The following KYAT1 variants were observed in gnomAD, a reference collection of about 807,000 sequenced individuals.
The protein encoded by KYAT1 is kynurenine aminotransferase 1.
A neutral mutation model predicts 52.4 loss-of-function variants in KYAT1; 47 were observed. That is an observed-to-expected ratio of 0.90 (90% CI 0.71 to 1.14). The LOEUF is 1.14. KYAT1 is among the 50% of genes most tolerant of loss of function. KYAT1 has a pLI of 0.00. For missense variants in KYAT1, 480 were observed against 557.9 expected (o/e 0.86, Z 1.41); for synonymous variants, 212 against 209.6 (o/e 1.01, Z -0.10).
chr9:128,846,068 C>T (rs1294200783), intron 1 of KYAT1, among the ~76,000 whole-genome samples: 2 of 152,208 alleles, frequency 1.3e-5, no homozygotes, highest in Non-Finnish European at 2.9e-5. Context: ...GGTCCTGGCT[C>T]CTGGCTCGCC....
At chr9:128,851,092 G>T (rs1483601335) in intron 1 of KYAT1, among the ~76,000 whole-genome samples, 1 of 152,174 alleles carries the variant, frequency 6.6e-6, no homozygotes. Flanking sequence ...ACCGGTACTG[G>T]TGCAGGTCCT....
At chr9:128,849,421 C>T (rs1309989270) in intron 1 of KYAT1, among the ~76,000 whole-genome samples, 1 of 80,988 alleles carries the variant, frequency 1.2e-5, no homozygotes, top group South Asian at 4.5e-4. Context: ...AAAAAAAAAG[C>T]GGGGGTGGGG....
chr9:128,842,806 G>A lies in KYAT1; in HGVS notation c.54-5C>T. 6.2e-7 allele frequency: 1 copy of A among 1,612,218 alleles called. No homozygotes were observed. Among genetic ancestry groups the A allele is most frequent in the Non-Finnish European group, 8.5e-7 (1 of 1,179,100 alleles). ...GCCAGTTTCACAAACTCCACCCTGG[G>A]TAACAAATGGAGAATCAGCACCAGC... On this transcript the variant is annotated splice_polypyrimidine_tract_variant and splice_region_variant and intron_variant, in intron 2 of 12. Coordinates refer to ENST00000302586, the MANE Select transcript of KYAT1 (RefSeq NM_004059.5).
At chr9:128,835,029 CG>C in intron 11 of KYAT1, 1 of 387,078 alleles carries the variant, frequency 2.6e-6, no homozygotes, top group Non-Finnish European at 4.8e-6. Flanking sequence ...CCCAGCTACT[CG>C]GGAGGCTGAG....
At chr9:128,875,259 T>G (rs1275743482) in intron 1 of KYAT1, among the ~76,000 whole-genome samples, 1 of 151,226 alleles carries the variant, frequency 6.6e-6, no homozygotes, top group Non-Finnish European at 1.5e-5. Flanking sequence ...TTTTTTTTTT[T>G]TTTTTGGTTT....
chr9:128,840,973 T>C (rs752819509), intron 3 of KYAT1, among the ~76,000 whole-genome samples: 2 of 152,358 alleles, frequency 1.3e-5, no homozygotes, highest in Admixed American at 6.5e-5. Context: ...ATATTTGCTG[T>C]GGCATTGCTT....
rs776286753 is a variant in KYAT1, at chr9:128,833,746, A to T, written c.1203T>A (p.Phe401Leu). 1.1e-5 allele frequency: 18 copies of T among 1,614,106 alleles called. No individual in the cohort carries two copies. In the Admixed American group the frequency reaches 2.8e-4, roughly 25 times the overall value. The stretch of plus-strand genomic sequence containing the variant: ...CCCCAGCCCTGCCCTTTACCTTCAC[A>T]AAACAGAAGCGGATATAGTGGTCAA... Reference protein sequence around the residue: ...KHFDHYIRFCFVKDEATLQAM... With the variant: ...KHFDHYIRFCLVKDEATLQAM... The change falls in exon 12 of 13, where the codon TTT becomes TTA. Residue 401 changes from phenylalanine to leucine, a missense_variant. Coordinates refer to ENST00000302586, the MANE Select transcript of KYAT1 (RefSeq NM_004059.5).
chr9:128,837,903 GATCCCAACACACA>G, intron 5 of KYAT1, 90 bp from the exon 6 acceptor site: 2 of 1,524,692 alleles, frequency 1.3e-6, no homozygotes, highest in Non-Finnish European at 1.8e-6. Context: ...TCTCCCCTGG[GATCCCAACACACA>G]CACCTCCCCT....
intron 3 of KYAT1, among the ~76,000 whole-genome samples, chr9:128,841,688 C>T (rs1396089932): frequency 1.0e-5 from 1 of 99,022 alleles, no homozygotes; most frequent in East Asian, 2.9e-4. Context: ...GAGGGAGACT[C>T]CATCTCAAAA....
chr9:128,835,392 C>T lies in KYAT1; in HGVS notation c.1053G>A (p.Met351Ile), dbSNP rs1830864473. ...ITDISDFKRK[M>I]PDLPGAVDEP... is the part of the protein sequence containing the mutation. ...CATCCACAGCTCCAGGCAAGTCAGG[C>T]ATCTTCCTCTCTGGGAGACAGAGGC... The change falls in exon 11 of 13, where the codon ATG becomes ATA. Residue 351 changes from methionine to isoleucine, a missense_variant. By Grantham distance (10) the Met-to-Ile change is conservative. Transcript: ENST00000302586. 3.7e-6 allele frequency: 6 copies of T among 1,613,966 alleles called. No individual in the cohort carries two copies. In the African/African-American group the frequency reaches 4.0e-5, roughly 11 times the overall value.
chr9:128,850,850 A>G (rs1364760667), intron 1 of KYAT1, among the ~76,000 whole-genome samples: 3 of 152,238 alleles, frequency 2.0e-5, no homozygotes, highest in Non-Finnish European at 4.4e-5. Flanking sequence ...ACACATTGGC[A>G]GCAATGCTGC....
chr9:128,835,852 C>G lies in KYAT1; in HGVS notation c.782G>C (p.Gly261Ala), dbSNP rs1830986764. Residue 261 changes from glycine to alanine, a missense_variant, in exon 9 of 13, where the codon GGT (glycine) becomes GCT (alanine). Physicochemically the swap from Gly to Ala is moderately conservative, Grantham distance 60. Transcript: ENST00000302586. ...CAGGTGCTTCATGATGTGATCTGGACCCAGGACCCAGCCCACCTGCAGCAG... is the reference window on the plus strand; with the variant it reads ...CAGGTGCTTCATGATGTGATCTGGAGCCAGGACCCAGCCCACCTGCAGCAG... ...ATGWKVGWVLGPDHIMKHLRT... is the reference protein window; with the variant it reads ...ATGWKVGWVLAPDHIMKHLRT... 1 of 1,614,064 alleles carries G rather than the reference C, an allele frequency of 6.2e-7. No individual in the cohort carries two copies. Among genetic ancestry groups the G allele is most frequent in the East Asian group, 2.2e-5 (1 of 44,866 alleles).
intron 1 of KYAT1, among the ~76,000 whole-genome samples, chr9:128,850,124 G>T (rs961871548): frequency 1.3e-5 from 2 of 151,904 alleles, no homozygotes; most frequent in African/African-American, 4.8e-5. Flanking sequence ...GCCTGAAGTT[G>T]TTCTGCTCAT....
At chr9:128,861,763 A>G (rs577347340) in intron 1 of KYAT1, among the ~76,000 whole-genome samples, 1 of 152,308 alleles carries the variant, frequency 6.6e-6, no homozygotes. Flanking sequence ...AGCTAAACGG[A>G]TGAGCGGCCC....
intron 1 of KYAT1, among the ~76,000 whole-genome samples, chr9:128,880,692 T>C (rs1838716359): frequency 6.6e-6 from 1 of 152,118 alleles, no homozygotes; most frequent in Non-Finnish European, 1.5e-5. Context: ...TCCGCCCGCC[T>C]CAGCCTCCCA....
chr9:128,837,569 G>T, intron 6 of KYAT1, 116 bp downstream of exon 6: 1 of 1,222,164 alleles, frequency 8.2e-7, no homozygotes, highest in Non-Finnish European at 1.2e-6. Context: ...TGCTCATTGT[G>T]TGTGGCCCTC....
In KYAT1 at chr9:128,837,798, C is replaced by A; in HGVS notation, c.454G>T (p.Gly152Ter). ...VSLKPGPIQNGELGSSSNWQL... is the reference protein window; with the variant it reads ...VSLKPGPIQN ...CAGTTGCTGCTGGAACCCAGTTCTCCATTCTGGATGGGACCCTGCAAGAGC... is the reference window on the plus strand; with the variant it reads ...CAGTTGCTGCTGGAACCCAGTTCTCAATTCTGGATGGGACCCTGCAAGAGC... Residue 152 changes from glycine to a stop codon, truncating the protein, a stop_gained, in exon 6 of 13, where the codon GGA becomes TGA. Transcript: ENST00000302586. LOFTEE classifies it high-confidence loss of function. 6.2e-7 allele frequency: 1 copy of A among 1,614,090 alleles called. No homozygotes were observed. The highest frequency in any genetic ancestry group is 8.5e-7 in the Non-Finnish European group (1 of 1,179,996).
intron 1 of KYAT1, among the ~76,000 whole-genome samples, chr9:128,871,558 A>T (rs144196600): frequency 5.3e-5 from 8 of 152,122 alleles, no homozygotes; most frequent in African/African-American, 9.6e-5. Context: ...ATAATTTTTT[A>T]AAAATTAGCT....
intron 1 of KYAT1, among the ~76,000 whole-genome samples, chr9:128,850,951 C>T (rs1298447732): frequency 6.6e-6 from 1 of 152,214 alleles, no homozygotes; most frequent in Non-Finnish European, 1.5e-5. Context: ...TCCCCTTGAA[C>T]TTAATTATGA....
Sources: allele counts gnomAD v4.1 joint callset (sites outside exome capture counted in the v4.1 genomes callset), GRCh38; gene constraint gnomAD v4.1.1; transcripts MANE v1.5; gene names NCBI Gene and HGNC (gene_info 2026-07-23, HGNC 2026-07-21).